CDH4: variants seen among roughly 807,000 people sequenced by gnomAD.
The protein encoded by CDH4 is cadherin-4.
Under a neutral mutation model 86.0 loss-of-function variants are expected in CDH4, and 33 were observed. The ratio of observed to expected loss-of-function variants is 0.38; its 90% confidence interval spans 0.29 to 0.51. The LOEUF (loss-of-function observed/expected upper bound fraction) is 0.51. Among genes scored for constraint, CDH4 ranks in the 20% least tolerant of loss-of-function variants. The pLI is 0.86. For missense variants in CDH4, 1,114 were observed against 1,307.4 expected (o/e 0.85, Z 2.28); for synonymous variants, 555 against 549.4 (o/e 1.01, Z -0.14).
intron 2 of CDH4, among the ~76,000 whole-genome samples, chr20:61,729,571 C>A (rs1392417748): frequency 3.3e-5 from 5 of 152,218 alleles, no homozygotes; most frequent in Non-Finnish European, 7.3e-5. Flanking sequence ...TTGCTGAGGT[C>A]CTTTGAGGAG....
chr20:61,883,561 C>T (rs1179088812), intron 7 of CDH4, among the ~76,000 whole-genome samples: 2 of 152,222 alleles, frequency 1.3e-5, no homozygotes, highest in Admixed American at 1.3e-4. Context: ...AGAGCATCAG[C>T]CACAGGAGGG....
At chr20:61,722,509 C>G (rs966753823) in intron 2 of CDH4, among the ~76,000 whole-genome samples, 2 of 152,216 alleles carry the variant, frequency 1.3e-5, no homozygotes, top group Admixed American at 1.3e-4. Context: ...TGCATCCCCC[C>G]AGGAGGGGCC....
chr20:61,846,809 C>T (rs908968833), intron 5 of CDH4, among the ~76,000 whole-genome samples: 2 of 152,124 alleles, frequency 1.3e-5, no homozygotes, highest in Admixed American at 1.3e-4. Flanking sequence ...CCCACTTCTT[C>T]CTGGTGTGGC....
At chr20:61,395,793 C>T (rs1005716031) in intron 2 of CDH4, among the ~76,000 whole-genome samples, 1 of 152,136 alleles carries the variant, frequency 6.6e-6, no homozygotes. Context: ...AAAAATGTTG[C>T]TAGTATTCTA....
chr20:61,731,481 C>T (rs1033015256), intron 2 of CDH4, among the ~76,000 whole-genome samples: 12 of 152,172 alleles, frequency 7.9e-5, no homozygotes, highest in Non-Finnish European at 1.3e-4. Flanking sequence ...TGGGCAGGGC[C>T]CATAGGGTGC....
chr20:61,702,896 G>A lies in CDH4; in HGVS notation c.170-40667G>A, dbSNP rs185244084. Among the ~76,000 whole-genome samples, 60 of 152,302 alleles carry A rather than the reference G, an allele frequency of 3.9e-4. 1 individual carries two copies. Among genetic ancestry groups the A allele is most frequent in the Admixed American group, 3.3e-3 (51 of 15,292 alleles). ...CCTTCCTGCAAAGCAAATCAGGCCT[G>A]GTGTGTGACAACCCGCTTTTTACGT... On this transcript the variant is annotated intron_variant, in intron 2 of 15. Coordinates refer to ENST00000614565, the MANE Select transcript of CDH4 (RefSeq NM_001794.5).
chr20:61,645,305 C>T (rs903828533), intron 2 of CDH4, among the ~76,000 whole-genome samples: 1 of 152,180 alleles, frequency 6.6e-6, no homozygotes, highest in South Asian at 2.1e-4. Flanking sequence ...TGTTACTTAA[C>T]CTCTCTGAGC....
rs552637538 is a variant in CDH4 at position 61,283,917 on chromosome 20, A to G, written c.169+28980A>G. 2.6e-5 allele frequency among the ~76,000 whole-genome samples: 4 copies of G among 152,308 alleles called. No individual in the cohort carries two copies. The South Asian group carries it at 8.3e-4, about 32-fold the overall frequency. On this transcript the variant is annotated intron_variant, in intron 2 of 15. Transcript: ENST00000614565. Reference sequence around the variant, plus strand: ...CTGGCCCTAGTTCTGTCATGTGGGCATTCCTTTGGACGTGCTTCCCAAGTG... The same window carrying G: ...CTGGCCCTAGTTCTGTCATGTGGGCGTTCCTTTGGACGTGCTTCCCAAGTG...
At chr20:61,716,886 C>T (rs140345114) in intron 2 of CDH4, among the ~76,000 whole-genome samples, 2 of 152,254 alleles carry the variant, frequency 1.3e-5, no homozygotes, top group Non-Finnish European at 2.9e-5. Context: ...CGAGCCTGGG[C>T]AACAGAGTGA....
At chr20:61,467,916 AC>A (rs974191184) in intron 2 of CDH4, among the ~76,000 whole-genome samples, 20 of 152,294 alleles carry the variant, frequency 1.3e-4, no homozygotes, top group African/African-American at 4.8e-4. Flanking sequence ...CAGGGAAAGG[AC>A]CCCAGTTAGA....
rs915837267 is a variant in CDH4, at chr20:61,516,314, C to T, written c.170-227249C>T. On this transcript the variant is annotated intron_variant, in intron 2 of 15. Transcript: ENST00000614565. The surrounding 1 kb of genome is among the most constrained non-coding windows in gnomAD (Gnocchi z 4.0). ...CTCTTCCTGCTCCTTCCTTACATCC[C>T]GTCTATTAATGCCATGGTCCCTGAG... Among the ~76,000 whole-genome samples, 6 of 152,192 alleles carry T rather than the reference C, an allele frequency of 3.9e-5. No individual in the cohort carries two copies. The highest frequency in any genetic ancestry group is 1.3e-4 in the Admixed American group (2 of 15,284).
chr20:61,760,129 C>G (rs2088615343), intron 3 of CDH4, among the ~76,000 whole-genome samples: 1 of 150,618 alleles, frequency 6.6e-6, no homozygotes, highest in Non-Finnish European at 1.5e-5. Context: ...CCTTATCCTT[C>G]TGTATCTTCG....
At chr20:61,724,153 G>C (rs1054272997) in intron 2 of CDH4, among the ~76,000 whole-genome samples, 1 of 151,854 alleles carries the variant, frequency 6.6e-6, no homozygotes. Context: ...CCATGCAGGG[G>C]GCACAGGATG....
intron 2 of CDH4, among the ~76,000 whole-genome samples, chr20:61,624,761 C>T (rs1034828136): frequency 6.6e-6 from 1 of 152,198 alleles, no homozygotes; most frequent in East Asian, 1.9e-4. Context: ...CAAAGAGCTG[C>T]AGGGCATGTT....
intron 4 of CDH4, among the ~76,000 whole-genome samples, chr20:61,818,279 G>A (rs1980837304): frequency 6.6e-6 from 1 of 152,328 alleles, no homozygotes; most frequent in African/African-American, 2.4e-5. Context: ...TTGCTGGGGT[G>A]TGGGGGAGGC....
intron 4 of CDH4, among the ~76,000 whole-genome samples, chr20:61,814,049 G>A (rs1270932111): frequency 6.6e-6 from 1 of 152,186 alleles, no homozygotes; most frequent in African/African-American, 2.4e-5. Flanking sequence ...GCACATCCAG[G>A]CCAGAGGAGC....
chr20:61,772,648 A>G (rs2088787689), intron 3 of CDH4, among the ~76,000 whole-genome samples: 1 of 152,186 alleles, frequency 6.6e-6, no homozygotes, highest in South Asian at 2.1e-4. Flanking sequence ...GGGAAAACGT[A>G]TTAGTCTTTT....
At chr20:61,727,361 T>C (rs954608810) in intron 2 of CDH4, among the ~76,000 whole-genome samples, 5 of 151,968 alleles carry the variant, frequency 3.3e-5, no homozygotes, top group Admixed American at 1.3e-4. Flanking sequence ...ATTGGTACCA[T>C]CATCATCAGT....
chr20:61,701,968 CCTT>C (rs1378523506), intron 2 of CDH4, among the ~76,000 whole-genome samples: 8 of 152,222 alleles, frequency 5.3e-5, no homozygotes, highest in African/African-American at 1.7e-4. Context: ...TCGTCCTCCT[CCTT>C]CGTCAGCTGA....
Sources: allele counts gnomAD v4.1 joint callset (sites outside exome capture counted in the v4.1 genomes callset), GRCh38; gene constraint gnomAD v4.1.1; non-coding constraint Gnocchi (gnomAD v3.1); transcripts MANE v1.5; gene names NCBI Gene and HGNC (gene_info 2026-07-23, HGNC 2026-07-21).